KCNH1: variants seen among roughly 807,000 people sequenced by gnomAD.
KCNH1 encodes the protein voltage-gated delayed rectifier potassium channel KCNH1.
In KCNH1, 27 loss-of-function variants were observed where a neutral mutation model predicts 69.2. The observed-to-expected ratio is 0.39, with a 90% CI of 0.29 to 0.54. The LOEUF (loss-of-function observed/expected upper bound fraction) is 0.54. KCNH1 is among the 20% of genes least tolerant of loss of function. The pLI is 0.68. For missense variants in KCNH1, 798 were observed against 1,261.6 expected (o/e 0.63, Z 5.57); for synonymous variants, 456 against 487.7 (o/e 0.93, Z 0.86).
intron 10 of KCNH1, among the ~76,000 whole-genome samples, chr1:210,722,954 C>T (rs746305166): frequency 3.9e-5 from 6 of 152,176 alleles, no homozygotes; most frequent in Admixed American, 3.3e-4. Flanking sequence ...TAATGTGCTT[C>T]CCGTTCCTGA....
intron 7 of KCNH1, among the ~76,000 whole-genome samples, chr1:210,885,812 A>T (rs1394706432): frequency 6.6e-6 from 1 of 152,222 alleles, no homozygotes; most frequent in Non-Finnish European, 1.5e-5. Context: ...CCAAAGTGCC[A>T]CAAAGCCAAT....
At chr1:210,718,799 C>T (rs966201438) in intron 10 of KCNH1, among the ~76,000 whole-genome samples, 2 of 151,382 alleles carry the variant, frequency 1.3e-5, no homozygotes, top group African/African-American at 4.9e-5. Context: ...CACATGTGGC[C>T]AGTGGCTACC....
chr1:210,752,701 A>G (rs1289609026), intron 10 of KCNH1, among the ~76,000 whole-genome samples: 1 of 152,166 alleles, frequency 6.6e-6, no homozygotes, highest in Non-Finnish European at 1.5e-5. Flanking sequence ...GAAATTAGAA[A>G]GAGGAAGAGG....
At chr1:210,999,032 A>G (rs1689111862) in intron 6 of KCNH1, among the ~76,000 whole-genome samples, 1 of 152,242 alleles carries the variant, frequency 6.6e-6, no homozygotes, top group South Asian at 2.1e-4. Context: ...AGGGAAATTT[A>G]TAGCACTACA....
chr1:211,003,962 G>A (rs1689233767), intron 6 of KCNH1, among the ~76,000 whole-genome samples: 2 of 152,042 alleles, frequency 1.3e-5, no homozygotes, highest in Admixed American at 6.6e-5. Flanking sequence ...GCGAGGTGGT[G>A]GGCGCCTGTA....
At chr1:210,930,758 G>T (rs970180010) in intron 6 of KCNH1, among the ~76,000 whole-genome samples, 7 of 152,176 alleles carry the variant, frequency 4.6e-5, no homozygotes, top group African/African-American at 1.7e-4. Flanking sequence ...AACCCACAGA[G>T]TGGGAGAAAA....
intron 6 of KCNH1, among the ~76,000 whole-genome samples, chr1:210,989,973 A>C (rs1305101079): frequency 1.3e-5 from 2 of 152,206 alleles, no homozygotes; most frequent in Non-Finnish European, 1.5e-5. Context: ...CTGTGTTATG[A>C]ACATGCTGCA....
At chr1:210,869,409 C>A (rs1686184838) in intron 7 of KCNH1, among the ~76,000 whole-genome samples, 1 of 151,260 alleles carries the variant, frequency 6.6e-6, no homozygotes, top group Admixed American at 6.6e-5. Flanking sequence ...GCTTAAAAGA[C>A]CTTGTTTGTT....
chr1:210,702,344 T>G (rs979782517), intron 10 of KCNH1, among the ~76,000 whole-genome samples: 1 of 152,220 alleles, frequency 6.6e-6, no homozygotes, highest in African/African-American at 2.4e-5. Flanking sequence ...TTCTTTGAAC[T>G]CCTATCAGTT....
At chr1:211,079,030 G>A (rs1690795536) in intron 5 of KCNH1, among the ~76,000 whole-genome samples, 1 of 151,726 alleles carries the variant, frequency 6.6e-6, no homozygotes, top group African/African-American at 2.4e-5. Context: ...TCCAGGAGCT[G>A]GTTTTTTGAA....
chr1:211,066,264 A>G (rs1690529235), intron 5 of KCNH1, among the ~76,000 whole-genome samples: 1 of 152,212 alleles, frequency 6.6e-6, no homozygotes, highest in Non-Finnish European at 1.5e-5. Context: ...GCCAAACGTC[A>G]AAATCTAATA....
At chr1:210,980,394 C>G (rs896583322) in intron 6 of KCNH1, among the ~76,000 whole-genome samples, 3 of 152,176 alleles carry the variant, frequency 2.0e-5, no homozygotes, top group Non-Finnish European at 4.4e-5. Flanking sequence ...CCAGAACTAA[C>G]TTGCCCTAAC....
At chr1:210,721,086 T>G (rs1304871510) in intron 10 of KCNH1, among the ~76,000 whole-genome samples, 3 of 152,020 alleles carry the variant, frequency 2.0e-5, no homozygotes, top group African/African-American at 7.3e-5. Context: ...TAGAGGAAAG[T>G]CCCATGTATA....
intron 6 of KCNH1, among the ~76,000 whole-genome samples, chr1:210,944,239 G>A (rs1048452448): frequency 6.6e-6 from 1 of 152,218 alleles, no homozygotes; most frequent in Non-Finnish European, 1.5e-5. Context: ...ATCTAAAAAT[G>A]AGTACTGGTG....
At chr1:210,924,576 A>C (rs1327398561) in intron 6 of KCNH1, among the ~76,000 whole-genome samples, 1 of 152,204 alleles carries the variant, frequency 6.6e-6, no homozygotes, top group Non-Finnish European at 1.5e-5. Context: ...AGATGAGATA[A>C]ATAAAAAAGA....
intron 7 of KCNH1, among the ~76,000 whole-genome samples, chr1:210,851,639 T>C (rs964592216): frequency 3.3e-5 from 5 of 152,224 alleles, no homozygotes; most frequent in African/African-American, 9.7e-5. Context: ...TCATAGAGTA[T>C]ACTCATATGA....
intron 10 of KCNH1, among the ~76,000 whole-genome samples, chr1:210,774,078 G>A (rs1683805688): frequency 6.6e-6 from 1 of 152,150 alleles, no homozygotes; most frequent in Non-Finnish European, 1.5e-5. Context: ...TGGGCATGGG[G>A]ATAAGTGGTT....
chr1:210,794,033 C>G (rs1558472066), intron 9 of KCNH1, among the ~76,000 whole-genome samples: 1 of 152,174 alleles, frequency 6.6e-6, no homozygotes, highest in Non-Finnish European at 1.5e-5. Flanking sequence ...TACTGAAGGG[C>G]ATCAACAGAC....
At chr1:210,951,643 T>A (rs1401107331) in intron 6 of KCNH1, among the ~76,000 whole-genome samples, 1 of 152,204 alleles carries the variant, frequency 6.6e-6, no homozygotes, top group Non-Finnish European at 1.5e-5. Context: ...GGTAATAGGA[T>A]AAAATCCAGT....
Sources: gnomAD v4.1 joint callset for allele counts (sites outside exome capture counted in the v4.1 genomes callset) on GRCh38, gnomAD v4.1.1 for gene constraint, MANE v1.5 for transcripts, NCBI Gene and HGNC (gene_info 2026-07-23, HGNC 2026-07-21) for gene names.